NFE2L2: variants seen among roughly 807,000 people sequenced by gnomAD.
The protein encoded by NFE2L2 is nuclear factor erythroid 2-related factor 2.
Under a neutral mutation model 49.6 loss-of-function variants are expected in NFE2L2, and 20 were observed. That is an observed-to-expected ratio of 0.40 (90% CI 0.28 to 0.59). The LOEUF is 0.59. NFE2L2 is among the 20% of genes least tolerant of loss of function. NFE2L2 has a pLI of 0.40. For missense variants in NFE2L2, 578 were observed against 714.2 expected (o/e 0.81, Z 2.17); for synonymous variants, 244 against 256.5 (o/e 0.95, Z 0.47).
chr2:177,232,735 T>C (rs1574258714), intron 3 of NFE2L2, 152 bp from the exon 4 acceptor site: 2 of 710,096 alleles, frequency 2.8e-6, no homozygotes, highest in East Asian at 5.5e-5. Flanking sequence ...ATAACAAATC[T>C]TTTTTTCCTA....
chr2:177,258,158 A>G (rs1016826811), intron 1 of NFE2L2, among the ~76,000 whole-genome samples: 1 of 152,262 alleles, frequency 6.6e-6, no homozygotes, highest in Non-Finnish European at 1.5e-5. Flanking sequence ...AGAAACAAAC[A>G]GAAACATAAA....
At position 177,264,714 on chromosome 2, in the gene NFE2L2, G is replaced by C; in HGVS notation, c.-138C>G. 4 of 686,102 alleles carry C rather than the reference G, an allele frequency of 5.8e-6. No homozygotes were observed. Among genetic ancestry groups the C allele is most frequent in the Non-Finnish European group, 8.4e-6 (4 of 474,908 alleles). The allele number at this position is 686,102 out of a possible 1,614,324, so 42.5% of individuals were successfully genotyped here. ...CGTCGGCGGCTCCTCCGGGCTCCCC[G>C]GCACTCGGTAATCGGCTACACGCCG... On this transcript the variant is annotated 5_prime_UTR_variant, in exon 1 of 5. Transcript: ENST00000397062.
chr2:177,260,000 T>C (rs1690670967), intron 1 of NFE2L2, among the ~76,000 whole-genome samples: 1 of 152,218 alleles, frequency 6.6e-6, no homozygotes, highest in Non-Finnish European at 1.5e-5. Flanking sequence ...CACTTGAACA[T>C]ATTTTTGCTT....
chr2:177,256,780 C>A (rs1441549526), intron 1 of NFE2L2, among the ~76,000 whole-genome samples: 1 of 152,230 alleles, frequency 6.6e-6, no homozygotes, highest in East Asian at 1.9e-4. Context: ...AAAGACAAGA[C>A]TGGAATTGGG....
intron 1 of NFE2L2, among the ~76,000 whole-genome samples, chr2:177,260,263 A>G (rs1206757166): frequency 1.3e-5 from 2 of 152,208 alleles, no homozygotes; most frequent in East Asian, 3.8e-4. Flanking sequence ...GTCCTCCTCT[A>G]CCCTGCTGTG....
intron 1 of NFE2L2, chr2:177,264,273 G>A: frequency 2.3e-6 from 1 of 428,784 alleles, no homozygotes; most frequent in Non-Finnish European, 4.1e-6. Flanking sequence ...ACGCGAGCGG[G>A]CTCAGTCCCC....
Position 177,231,245 on chromosome 2 carries a change from T to G in NFE2L2, c.1358A>C (p.His453Pro). 1 of 1,614,246 alleles carries G rather than the reference T, an allele frequency of 6.2e-7. No individual in the cohort carries two copies. The highest frequency in any genetic ancestry group is 8.5e-7 in the Non-Finnish European group (1 of 1,180,040). Reference protein sequence around the residue: ...KDKHSSRLEAHLTRDELRAKA... With the variant: ...KDKHSSRLEAPLTRDELRAKA... ...TGCCCTAAGTTCATCTCTTGTGAGA[T>G]GAGCCTCCAAGCGGCTTGAATGTTT... Residue 453 changes from histidine to proline, a missense_variant, in exon 5 of 5, where the codon CAT becomes CCT. Coordinates refer to ENST00000397062, the MANE Select transcript of NFE2L2 (RefSeq NM_006164.5).
intron 1 of NFE2L2, among the ~76,000 whole-genome samples, chr2:177,247,215 CAT>C (rs978466926): frequency 6.6e-6 from 1 of 152,136 alleles, no homozygotes; most frequent in Non-Finnish European, 1.5e-5. Context: ...TTTCCCAACT[CAT>C]GTGTCCTTCA....
chr2:177,263,057 CTG>C lies in NFE2L2; in HGVS notation c.45+1473_45+1474del, dbSNP rs368216754. On this transcript the variant is annotated intron_variant, in intron 1 of 4. Transcript: ENST00000397062. ...ACATTTAACAGCATAAACGTATTTA[CTG>C]TACATCAAGTACACATTTCCTTGAA... Among the ~76,000 whole-genome samples, 9 of 152,358 alleles carry C rather than the reference CTG, an allele frequency of 5.9e-5. 1 individual carries two copies. Among genetic ancestry groups the C allele is most frequent in the African/African-American group, 2.2e-4 (9 of 41,592 alleles).
At chr2:177,236,663 C>T (rs1391620804) in intron 1 of NFE2L2, among the ~76,000 whole-genome samples, 1 of 152,120 alleles carries the variant, frequency 6.6e-6, no homozygotes, top group Non-Finnish European at 1.5e-5. Context: ...CTTTATTAGC[C>T]ATGAGCCTAC....
At chr2:177,241,563 T>C (rs1412417938) in intron 1 of NFE2L2, among the ~76,000 whole-genome samples, 2 of 152,114 alleles carry the variant, frequency 1.3e-5, no homozygotes, top group Non-Finnish European at 2.9e-5. Flanking sequence ...TTTTGAGGAA[T>C]TGATAAAATA....
intron 2 of NFE2L2, 69 bp from the exon 3 acceptor site, chr2:177,233,408 A>G: frequency 9.0e-7 from 1 of 1,112,350 alleles, no homozygotes; most frequent in Non-Finnish European, 1.3e-6. Flanking sequence ...CTAAATATTC[A>G]ATAATTGATG....
chr2:177,258,315 G>C (rs1368190989), intron 1 of NFE2L2, among the ~76,000 whole-genome samples: 2 of 152,228 alleles, frequency 1.3e-5, no homozygotes, highest in Non-Finnish European at 2.9e-5. Context: ...TGCTGTGAAA[G>C]AAGCCAGCAA....
chr2:177,237,231 G>A (rs1574263409), intron 1 of NFE2L2, among the ~76,000 whole-genome samples: 1 of 152,138 alleles, frequency 6.6e-6, no homozygotes, highest in Non-Finnish European at 1.5e-5. Flanking sequence ...TGCATGGGCC[G>A]ACTGTATATA....
chr2:177,239,315 G>GTGC (rs1479199753), intron 1 of NFE2L2, among the ~76,000 whole-genome samples: 1 of 152,116 alleles, frequency 6.6e-6, no homozygotes, highest in African/African-American at 2.4e-5. Flanking sequence ...GGGACATTCA[G>GTGC]TGCAATCGTA....
At chr2:177,264,171 T>A (rs2105502322) in intron 1 of NFE2L2, among the ~76,000 whole-genome samples, 1 of 152,010 alleles carries the variant, frequency 6.6e-6, no homozygotes, top group East Asian at 1.9e-4. Flanking sequence ...CGCCCCCTCT[T>A]GCCCCGCCGC....
At chr2:177,245,013 A>C (rs1690074800) in intron 1 of NFE2L2, among the ~76,000 whole-genome samples, 1 of 151,434 alleles carries the variant, frequency 6.6e-6, no homozygotes. Context: ...AAAAAAAAAA[A>C]AAAAAAAAAA....
At chr2:177,247,354 A>C (rs1326592263) in intron 1 of NFE2L2, among the ~76,000 whole-genome samples, 1 of 152,004 alleles carries the variant, frequency 6.6e-6, no homozygotes, top group Non-Finnish European at 1.5e-5. Flanking sequence ...CTTAACAATA[A>C]AATTGAGGCC....
rs368905730 is a variant in NFE2L2 at position 177,231,183 on chromosome 2, T to C, written c.1420A>G (p.Ile474Val). Residue 474 changes from isoleucine to valine, a missense_variant, in exon 5 of 5, where the codon ATT becomes GTT. By Grantham distance (29) the Ile-to-Val change is conservative. This residue lies in a region of NFE2L2 where 117 missense variants were observed against 175.8 expected (regional missense o/e 0.67). Coordinates refer to ENST00000397062, the MANE Select transcript of NFE2L2 (RefSeq NM_006164.5). ...TTGAAGTCAACAACAGGGAGGTTAA[T>C]GATTTTTTCTACAGGGAATGGGATA... ...LHIPFPVEKI[I>V]NLPVVDFNEM... 4 of 1,614,128 alleles carry C rather than the reference T, an allele frequency of 2.5e-6. No individual in the cohort carries two copies. Among genetic ancestry groups the C allele is most frequent in the South Asian group, 1.1e-5 (1 of 91,076 alleles).
Sources: allele counts gnomAD v4.1 joint callset (sites outside exome capture counted in the v4.1 genomes callset), GRCh38; gene constraint gnomAD v4.1.1; regional missense constraint gnomAD v4.1.1; transcripts MANE v1.5; gene names NCBI Gene and HGNC (gene_info 2026-07-23, HGNC 2026-07-21).